The following DDAH1 variants were observed in gnomAD, a reference collection of about 807,000 sequenced individuals.
The protein encoded by DDAH1 is dimethylarginine dimethylaminohydrolase 1, also known as N(G),N(G)-dimethylarginine dimethylaminohydrolase 1.
In DDAH1, 19 loss-of-function variants were observed where a neutral mutation model predicts 28.8. That is an observed-to-expected ratio of 0.66 (90% CI 0.46 to 0.97). The LOEUF (loss-of-function observed/expected upper bound fraction) is 0.97. Ranked by LOEUF, DDAH1 falls within the 50% of genes least tolerant of loss-of-function variation. The pLI is 0.00. For synonymous variants in DDAH1, 153 were observed against 154.4 expected (o/e 0.99, Z 0.07); for missense variants, 326 against 375.9 (o/e 0.87, Z 1.10).
intron 1 of DDAH1, among the ~76,000 whole-genome samples, chr1:85,392,433 C>G (rs1369131831): frequency 6.6e-6 from 1 of 152,110 alleles, no homozygotes; most frequent in Non-Finnish European, 1.5e-5. Context: ...GTTAGGACTT[C>G]AACATACGAA....
chr1:85,400,480 G>A (rs1326629154), intron 1 of DDAH1, among the ~76,000 whole-genome samples: 1 of 151,816 alleles, frequency 6.6e-6, no homozygotes, highest in Non-Finnish European at 1.5e-5. Flanking sequence ...CTGGGATTAC[G>A]ACTTGAGCCA....
At chr1:85,338,707 T>C (rs1452416396) in intron 4 of DDAH1, among the ~76,000 whole-genome samples, 1 of 152,092 alleles carries the variant, frequency 6.6e-6, no homozygotes, top group African/African-American at 2.4e-5. Context: ...GATTCTTGGG[T>C]ACATTAAAGT....
At chr1:85,469,533 G>A (rs1655544605), upstream of DDAH1, among the ~76,000 whole-genome samples, 1 of 152,190 alleles carries the variant, frequency 6.6e-6, no homozygotes, top group Non-Finnish European at 1.5e-5. Flanking sequence ...AGTAACTAGA[G>A]CCTAATAGAT....
At chr1:85,498,395 T>C (rs1408892847) in intron 1 of DDAH1, among the ~76,000 whole-genome samples, 2 of 152,194 alleles carry the variant, frequency 1.3e-5, no homozygotes, top group Non-Finnish European at 2.9e-5. Context: ...GCAAAAATAA[T>C]AAAACTTATC....
Position 85,441,007 on chromosome 1 carries a change from A to AC in DDAH1, c.303+23735dup, listed in dbSNP as rs552130363. Among the ~76,000 whole-genome samples the AC allele has an allele frequency of 1.4e-4, 21 of 152,314 alleles. No individual in the cohort carries two copies. In the East Asian group the frequency reaches 4.0e-3, roughly 29 times the overall value. The stretch of plus-strand genomic sequence containing the variant: ...AACCACTTGGAAAGTTTCCATCTCC[A>AC]CCCCAACTTCTAAATAAAGTGGCAT... On this transcript the variant is annotated intron_variant, in intron 1 of 5. Coordinates refer to ENST00000284031, the MANE Select transcript of DDAH1 (RefSeq NM_012137.4).
chr1:85,440,319 A>G (rs905880613), intron 1 of DDAH1, among the ~76,000 whole-genome samples: 1 of 152,174 alleles, frequency 6.6e-6, no homozygotes, highest in African/African-American at 2.4e-5. Context: ...CCTGAGTCAG[A>G]TCTTCAATCT....
rs187477462 is a variant in DDAH1 at position 85,571,569 on chromosome 1, T to A, written c.-123+6415A>T. On this transcript the variant is annotated intron_variant, in intron 1 of 6. Coordinates refer to the DDAH1 transcript ENST00000426972. Reference sequence around the variant, plus strand: ...AGGCAGCTAGAGCCATGAAGCAAAGTCCATATATTATTCCTCTTTGCATTG... The same window carrying A: ...AGGCAGCTAGAGCCATGAAGCAAAGACCATATATTATTCCTCTTTGCATTG... 1.7e-3 allele frequency among the ~76,000 whole-genome samples: 259 copies of A among 152,306 alleles called. 1 individual carries two copies. The highest frequency in any genetic ancestry group is 5.8e-3 in the African/African-American group (242 of 41,574).
At chr1:85,491,158 C>A (rs1427633082) in intron 2 of DDAH1, among the ~76,000 whole-genome samples, 1 of 151,814 alleles carries the variant, frequency 6.6e-6, no homozygotes, top group African/African-American at 2.4e-5. Context: ...ATGAGCCTCC[C>A]ACCTCAGCCT....
intron 1 of DDAH1, among the ~76,000 whole-genome samples, chr1:85,441,489 C>T (rs1187336834): frequency 2.0e-5 from 3 of 151,670 alleles, no homozygotes; most frequent in African/African-American, 4.8e-5. Context: ...TGCAGTGAGC[C>T]GAGATCATGC....
chr1:85,520,101 C>T (rs1415791302), intron 1 of DDAH1, among the ~76,000 whole-genome samples: 1 of 152,112 alleles, frequency 6.6e-6, no homozygotes, highest in Non-Finnish European at 1.5e-5. Flanking sequence ...TCACTCCCCT[C>T]CCACACTTCC....
chr1:85,328,240 G>A (rs1255990478), intron 4 of DDAH1, among the ~76,000 whole-genome samples: 1 of 152,190 alleles, frequency 6.6e-6, no homozygotes, highest in South Asian at 2.1e-4. Context: ...ATTACCTGCA[G>A]AGTATGTGGC....
intron 1 of DDAH1, among the ~76,000 whole-genome samples, chr1:85,450,551 T>A (rs1458542476): frequency 1.3e-5 from 2 of 152,234 alleles, no homozygotes; most frequent in Non-Finnish European, 2.9e-5. Flanking sequence ...TAAATAATAA[T>A]GTTACTATTA....
intron 1 of DDAH1, among the ~76,000 whole-genome samples, chr1:85,434,814 C>T (rs1377074268): frequency 6.6e-6 from 1 of 152,000 alleles, no homozygotes; most frequent in Non-Finnish European, 1.5e-5. Context: ...CTTTAACTTA[C>T]TTCCCAAGCA....
intron 1 of DDAH1, among the ~76,000 whole-genome samples, chr1:85,453,328 A>C (rs1379517735): frequency 6.6e-6 from 1 of 152,158 alleles, no homozygotes; most frequent in Non-Finnish European, 1.5e-5. Context: ...ACAAAGAAAA[A>C]TGCAGACATG....
In DDAH1 at chr1:85,483,083, A is replaced by G. The variant is rs551399604; in HGVS notation, c.-7+13083T>C. Among the ~76,000 whole-genome samples the G allele has an allele frequency of 2.9e-3, 447 of 151,786 alleles. 2 individuals are homozygous for G. The highest frequency in any genetic ancestry group is 5.2e-3 in the Non-Finnish European group (354 of 67,838). ...CTACTAAAAAACTGTGCGTGGTGGC[A>G]CATGCCTATAGTCCCAGCTACTCGG... On this transcript the variant is annotated intron_variant, in intron 2 of 6. Transcript: ENST00000426972.
At position 85,318,687 on chromosome 1, in the gene DDAH1, G is replaced by T. The variant is rs1661205363; in HGVS notation, c.*2765C>A. On this transcript the variant is annotated 3_prime_UTR_variant, in exon 6 of 6. Transcript: ENST00000284031. ...ATAAAATGCACAAATCTAACACCAT[G>T]TTGAAATCATGTCTGAGTTCTGGAG... 1.3e-5 allele frequency: 2 copies of T among 152,720 alleles called. No individual in the cohort carries two copies. The highest frequency in any genetic ancestry group is 4.8e-5 in the African/African-American group (2 of 41,544). The allele number at this position is 152,720 out of a possible 1,614,324, so 9.5% of individuals were successfully genotyped here. A position where few individuals can be genotyped will look rare whatever the true frequency, so the allele number is the denominator to read the frequency against.
At chr1:85,408,522 A>T (rs12564550) in intron 1 of DDAH1, among the ~76,000 whole-genome samples, 1 of 152,096 alleles carries the variant, frequency 6.6e-6, no homozygotes, top group East Asian at 1.9e-4. Flanking sequence ...TTACAAAAAA[A>T]GTACTTCTTG....
Position 85,320,173 on chromosome 1 carries a change from C to T in DDAH1, c.*1279G>A, listed in dbSNP as rs1459172309. On this transcript the variant is annotated 3_prime_UTR_variant, in exon 6 of 6. Coordinates refer to ENST00000284031, the MANE Select transcript of DDAH1 (RefSeq NM_012137.4). ...AAGGAATCATCTCTTCCTTCAGTGC[C>T]GCATTGTTCTTTGTAAGAGATCCGT... 4 of 152,522 alleles carry T rather than the reference C, an allele frequency of 2.6e-5. No individual in the cohort carries two copies. Among genetic ancestry groups the T allele is most frequent in the Non-Finnish European group, 5.9e-5 (4 of 68,042 alleles). 9.4% of individuals were successfully genotyped at this position (152,522 alleles called of 1,614,324 possible).
intron 1 of DDAH1, among the ~76,000 whole-genome samples, chr1:85,524,037 C>T (rs1657778338): frequency 6.6e-6 from 1 of 151,644 alleles, no homozygotes; most frequent in South Asian, 2.1e-4. Context: ...AGAAGGCCAA[C>T]CATCTATTAT....
Sources: allele counts gnomAD v4.1 joint callset (sites outside exome capture counted in the v4.1 genomes callset), GRCh38; gene constraint gnomAD v4.1.1; transcripts MANE v1.5; gene names NCBI Gene and HGNC (gene_info 2026-07-23, HGNC 2026-07-21).